VSIG2: variants seen among roughly 807,000 people sequenced by gnomAD.
VSIG2 encodes V-set and immunoglobulin domain-containing protein 2.
In VSIG2, 30 loss-of-function variants were observed where a neutral mutation model predicts 29.4. The ratio of observed to expected loss-of-function variants is 1.02; its 90% confidence interval spans 0.76 to 1.38. The LOEUF (loss-of-function observed/expected upper bound fraction) is 1.38. Ranked by LOEUF, VSIG2 falls within the 40% of genes most tolerant of loss-of-function variation. The pLI, the probability that VSIG2 is intolerant of heterozygous loss-of-function variation, is 0.00. For missense variants in VSIG2, 421 were observed against 400.8 expected, an observed-to-expected ratio of 1.05 and a Z score of -0.43; for synonymous variants, 178 against 174.2, an observed-to-expected ratio of 1.02 and a Z score of -0.17.
chr11:124,751,633 G>A, intron 1 of VSIG2, 53 bp from the exon 2 acceptor site: 1 of 1,507,360 alleles, frequency 6.6e-7, no homozygotes, highest in African/African-American at 1.4e-5. Context: ...TGATCTGGAG[G>A]GTCGGGCCCA....
chr11:124,752,113 G>C lies in VSIG2; in HGVS notation c.25C>G (p.Leu9Val). The change falls in exon 1 of 7, where the codon CTC (leucine) becomes GTC (valine). Residue 9 changes from leucine to valine, a missense_variant. Coordinates refer to ENST00000326621, the MANE Select transcript of VSIG2 (RefSeq NM_014312.5). ...AGGAAGCCTAGCAGGGCCCCGCAGA[G>C]AAAGGGCCCCGGGAGCTCGGCCATG... MAELPGPF[L>V]CGALLGFLCL... 4 of 1,605,974 alleles carry C rather than the reference G, an allele frequency of 2.5e-6. No homozygotes were observed. The highest frequency in any genetic ancestry group is 3.4e-6 in the Non-Finnish European group (4 of 1,178,738).
rs776761383 is a variant in VSIG2, at chr11:124,752,072, C to T, written c.61+5G>A. On this transcript the variant is annotated splice_donor_5th_base_variant and intron_variant, in intron 1 of 6. Transcript: ENST00000326621. ...TCGCCGTGGTCCCGCCCGGCCCCTC[C>T]TCACCACTCAGGCACAGGAAGCCTA... The T allele has an allele frequency of 1.2e-6, 2 of 1,605,344 alleles. No individual in the cohort carries two copies. The highest frequency in any genetic ancestry group is 2.2e-5 in the East Asian group (1 of 44,668).
Position 124,751,480 on chromosome 11 carries a change from G to A in VSIG2, c.162C>T (p.Ser54=), listed in dbSNP as rs746614157. The A allele has an allele frequency of 3.7e-6, 6 of 1,613,020 alleles. No homozygotes were observed. In the African/African-American group the frequency reaches 8.0e-5, roughly 22 times the overall value. The part of the protein sequence containing the change: ...TCTYSTSVGD[S]FALEWSFVQP... ...GCACAAAGCTCCACTCCAGGGCGAA[G>A]CTGTCTCCCACCGACGTGCTGTAGG... is the stretch of plus-strand genomic sequence containing the variant. The change falls in exon 2 of 7, where the codon AGC becomes AGT. Residue 54 remains serine, a synonymous_variant. Coordinates refer to ENST00000326621, the MANE Select transcript of VSIG2 (RefSeq NM_014312.5).
In VSIG2 at chr11:124,752,176, G is replaced by A. The variant is rs762564382; in HGVS notation, c.-39C>T. On this transcript the variant is annotated 5_prime_UTR_variant, in exon 1 of 7. Transcript: ENST00000326621. ...CGTCCTGTCCTGCTCCTGCCAGGTGGGCGGTCAAGGTCGGTCTGGGTGTCG... is the reference window on the plus strand; with the variant it reads ...CGTCCTGTCCTGCTCCTGCCAGGTGAGCGGTCAAGGTCGGTCTGGGTGTCG... 4.9e-5 allele frequency: 75 copies of A among 1,527,616 alleles called. No homozygotes were observed. Among genetic ancestry groups the A allele is most frequent in the Non-Finnish European group, 6.2e-5 (71 of 1,143,680 alleles). The allele number at this position is 1,527,616 out of a possible 1,614,324, so 94.6% of individuals were successfully genotyped here.
chr11:124,749,943 G>T, intron 3 of VSIG2, 77 bp from the exon 4 acceptor site: 1 of 1,422,804 alleles, frequency 7.0e-7, no homozygotes, highest in Non-Finnish European at 9.2e-7. Flanking sequence ...ACTCCATTAG[G>T]TGCTACATTC....
At position 124,748,758 on chromosome 11, in the gene VSIG2, C is replaced by T. The variant is rs1455119000; in HGVS notation, c.592G>A (p.Val198Met). The T allele has an allele frequency of 1.2e-6, 2 of 1,614,068 alleles. No individual in the cohort carries two copies. Among genetic ancestry groups the T allele is most frequent in the Admixed American group, 3.3e-5 (2 of 60,008 alleles). ...TTGGTGAGAATGAGCTGGCCAGACA[C>T]CTCATCTAGAGGATGAAGAGGAAGT... ...PSPGSMVQDE[V>M]SGQLILTNLS... The change falls in exon 5 of 7, where the codon GTG (valine) becomes ATG (methionine). Residue 198 changes from valine to methionine, a missense_variant. By Grantham distance (21) the Val-to-Met change is conservative (BLOSUM62 1). Coordinates refer to ENST00000326621, the MANE Select transcript of VSIG2 (RefSeq NM_014312.5).
At chr11:124,751,648 C>T (rs758418559) in intron 1 of VSIG2, 68 bp from the exon 2 acceptor site, 203 of 1,466,288 alleles carry the variant, frequency 1.4e-4, no homozygotes, top group East Asian at 2.6e-4. Flanking sequence ...GGCCCACCCC[C>T]GGGCATCTAT....
chr11:124,748,841 ATCC>A, intron 4 of VSIG2, 78 bp from the exon 5 acceptor site: 1 of 1,607,444 alleles, frequency 6.2e-7, no homozygotes, highest in Middle Eastern at 1.7e-4. Flanking sequence ...ATTTCATGTC[ATCC>A]TTATAACAAT....
intron 2 of VSIG2, 69 bp downstream of exon 2, chr11:124,751,354 C>T: frequency 6.3e-7 from 1 of 1,592,390 alleles, no homozygotes; most frequent in Non-Finnish European, 8.5e-7. Context: ...CCCTCCCGAC[C>T]CCATGCCCTC....
At chr11:124,749,461 C>T (rs1944054752) in intron 4 of VSIG2, among the ~76,000 whole-genome samples, 1 of 152,156 alleles carries the variant, frequency 6.6e-6, no homozygotes, top group African/African-American at 2.4e-5. Flanking sequence ...TGCTCCCTGC[C>T]CTCTACTCTC....
Position 124,751,551 on chromosome 11 carries a change from C to G in VSIG2, c.91G>C (p.Glu31Gln), listed in dbSNP as rs1375822584. ...TTCCCCAGGGGCGTGCTCAGCGGCT[C>G]TGTGGGTACCTTCACCTCCACGGCC... ...GLAVEVKVPTEPLSTPLGKTA... is the reference protein window; with the variant it reads ...GLAVEVKVPTQPLSTPLGKTA... The change falls in exon 2 of 7, where the codon GAG becomes CAG. Residue 31 changes from glutamate to glutamine, a missense_variant. Coordinates refer to ENST00000326621, the MANE Select transcript of VSIG2 (RefSeq NM_014312.5). 1 of 1,607,216 alleles carries G rather than the reference C, an allele frequency of 6.2e-7. No homozygotes were observed. Among genetic ancestry groups the G allele is most frequent in the Non-Finnish European group, 8.5e-7 (1 of 1,177,720 alleles).
intron 4 of VSIG2, among the ~76,000 whole-genome samples, chr11:124,749,466 ACT>A (rs757315633): frequency 2.0e-5 from 3 of 151,968 alleles, no homozygotes; most frequent in Non-Finnish European, 4.4e-5. Flanking sequence ...CCTGCCCTCT[ACT>A]CTCTTCCAGG....
At chr11:124,749,593 A>G in intron 4 of VSIG2, 115 bp downstream of exon 4, 1 of 1,375,176 alleles carries the variant, frequency 7.3e-7, no homozygotes, top group South Asian at 1.4e-5. Context: ...AGGGAAAGGT[A>G]TAGTGGTTTG....
At position 124,750,849 on chromosome 11, in the gene VSIG2, G is replaced by GAA. The variant is rs1204125882; in HGVS notation, c.291_292insTT (p.Pro98PhefsTer10). 10 of 1,613,964 alleles carry GAA rather than the reference G, an allele frequency of 6.2e-6. No individual in the cohort carries two copies. Among genetic ancestry groups the GAA allele is most frequent in the Non-Finnish European group, 7.6e-6 (9 of 1,180,014 alleles). ...AGTGTGGCCACCCCCACTGTGGGGG[G>GAA]GTTCTGAAGCAGGCTGACCCGCTTT... On this transcript the variant is annotated frameshift_variant, in exon 3 of 7. Coordinates refer to ENST00000326621, the MANE Select transcript of VSIG2 (RefSeq NM_014312.5). LOFTEE classifies it high-confidence loss of function.
At position 124,749,843 on chromosome 11, in the gene VSIG2, T is replaced by G; in HGVS notation, c.451A>C (p.Ser151Arg). 1 of 1,543,804 alleles carries G rather than the reference T, an allele frequency of 6.5e-7. No individual in the cohort carries two copies. The highest frequency in any genetic ancestry group is 8.7e-7 in the Non-Finnish European group (1 of 1,149,344). Residue 151 changes from serine (S) to arginine (R), a missense_variant, in exon 4 of 7, where the codon AGT becomes CGT. By Grantham distance (110) the Ser-to-Arg change is moderately radical. Transcript: ENST00000326621. Reference protein sequence around the residue: ...VLVPPSNPLCSQSGQTSVGGS... With the variant: ...VLVPPSNPLCRQSGQTSVGGS... ...CCCACAGAGGTTTGTCCACTCTGAC[T>G]GCATAAGGGATTACTGGGGGGAACT...
At chr11:124,749,607 C>T in intron 4 of VSIG2, 101 bp downstream of exon 4, 1 of 1,480,772 alleles carries the variant, frequency 6.8e-7, no homozygotes, top group Non-Finnish European at 9.1e-7. Context: ...TGGTTTGTGT[C>T]ATACCCCTAG....
At position 124,751,543 on chromosome 11, in the gene VSIG2, C is replaced by G. The variant is rs760821168; in HGVS notation, c.99G>C (p.Leu33=). The change falls in exon 2 of 7, where the codon CTG becomes CTC. Residue 33 remains leucine, a synonymous_variant. Coordinates refer to ENST00000326621, the MANE Select transcript of VSIG2 (RefSeq NM_014312.5). ...CGGCTGTCTTCCCCAGGGGCGTGCT[C>G]AGCGGCTCTGTGGGTACCTTCACCT... ...AVEVKVPTEP[L]STPLGKTAEL... 5.0e-6 allele frequency: 8 copies of G among 1,610,296 alleles called. No homozygotes were observed. The South Asian group carries it at 8.8e-5, about 18-fold the overall frequency.
At chr11:124,751,085 AC>A (rs34337699) in intron 2 of VSIG2, among the ~76,000 whole-genome samples, 164 bp from the exon 3 acceptor site, 1 of 149,538 alleles carries the variant, frequency 6.7e-6, no homozygotes, top group African/African-American at 2.5e-5. Context: ...CCCAAACACC[AC>A]CCCCTTTCAG....
At chr11:124,751,700 C>T in intron 1 of VSIG2, 120 bp from the exon 2 acceptor site, 1 of 1,149,246 alleles carries the variant, frequency 8.7e-7, no homozygotes. Flanking sequence ...CAACCCTCTC[C>T]CCTCAATCCA....
Sources: gnomAD v4.1 joint callset for allele counts (sites outside exome capture counted in the v4.1 genomes callset) on GRCh38, gnomAD v4.1.1 for gene constraint, MANE v1.5 for transcripts, NCBI Gene and HGNC (gene_info 2026-07-23, HGNC 2026-07-21) for gene names.